Variants in TSHZ2 observed in about 807,000 individuals in gnomAD.
TSHZ2 encodes teashirt homolog 2.
TSHZ2 carries 21 observed loss-of-function variants against 74.4 expected under a neutral mutation model. The observed-to-expected ratio is 0.28, with a 90% confidence interval of 0.20 to 0.41. TSHZ2 has a LOEUF of 0.41. Among genes scored for constraint, TSHZ2 ranks in the 10% least tolerant of loss-of-function variants. The pLI is 1.00. For missense variants in TSHZ2, 1,244 were observed against 1,293.5 expected, an observed-to-expected ratio of 0.96 and a Z score of 0.59; for synonymous variants, 540 against 515.3, an observed-to-expected ratio of 1.05 and a Z score of -0.65.
At chr20:53,440,494 C>A (rs1476791942) in intron 2 of TSHZ2, among the ~76,000 whole-genome samples, 4 of 152,244 alleles carry the variant, frequency 2.6e-5, no homozygotes, top group South Asian at 4.1e-4. Context: ...GATAAATATT[C>A]TTTCATTCAT....
In TSHZ2 at chr20:52,987,747, A is replaced by G. The variant is rs150522584; in HGVS notation, c.40+14414A>G. Among the ~76,000 whole-genome samples, 49 of 152,310 alleles carry G rather than the reference A, an allele frequency of 3.2e-4. 1 individual carries two copies. Among genetic ancestry groups the G allele is most frequent in the African/African-American group, 9.6e-4 (40 of 41,562 alleles). On this transcript the variant is annotated intron_variant, in intron 1 of 2. Transcript: ENST00000371497. ...GAAACAGAGCCCAGAAAAGTCTTCA[A>G]TTAAGAAGGAGAAAGACAAGCAATC...
At chr20:53,434,136 C>T (rs1462526203) in intron 2 of TSHZ2, among the ~76,000 whole-genome samples, 1 of 152,162 alleles carries the variant, frequency 6.6e-6, no homozygotes, top group Non-Finnish European at 1.5e-5. Context: ...TCCCAAAGTG[C>T]TGGGATTACA....
At chr20:53,326,101 C>A (rs1206822403) in intron 2 of TSHZ2, among the ~76,000 whole-genome samples, 1 of 152,192 alleles carries the variant, frequency 6.6e-6, no homozygotes, top group African/African-American at 2.4e-5. Flanking sequence ...TATCTTAAAG[C>A]AAGTGTCTTA....
intron 1 of TSHZ2, among the ~76,000 whole-genome samples, chr20:52,999,784 T>C (rs1982345728): frequency 6.6e-6 from 1 of 152,162 alleles, no homozygotes; most frequent in Admixed American, 6.5e-5. Flanking sequence ...TGTGTGTTTT[T>C]AAAAAATCCT....
intron 1 of TSHZ2, among the ~76,000 whole-genome samples, chr20:53,086,287 T>C (rs1600683052): frequency 6.6e-6 from 1 of 152,292 alleles, no homozygotes; most frequent in East Asian, 1.9e-4. Flanking sequence ...GAGCCAGGTA[T>C]CTTTATGAAC....
chr20:53,137,773 AC>A (rs1987284279), intron 1 of TSHZ2, among the ~76,000 whole-genome samples: 1 of 152,138 alleles, frequency 6.6e-6, no homozygotes, highest in Non-Finnish European at 1.5e-5. Context: ...CACAGCTCTG[AC>A]CTGATCATGT....
chr20:52,986,401 C>T (rs374683236), intron 1 of TSHZ2, among the ~76,000 whole-genome samples: 1 of 120,808 alleles, frequency 8.3e-6, no homozygotes, highest in African/African-American at 3.3e-5. Context: ...AAGAATCCAT[C>T]AAAAAAAAAA....
At chr20:53,090,458 G>A (rs1003492836) in intron 1 of TSHZ2, among the ~76,000 whole-genome samples, 5 of 152,224 alleles carry the variant, frequency 3.3e-5, no homozygotes, top group African/African-American at 1.2e-4. Context: ...TGAAGCCATG[G>A]GGGAATAGGT....
At chr20:53,143,650 C>T (rs2123421883) in intron 1 of TSHZ2, among the ~76,000 whole-genome samples, 1 of 152,130 alleles carries the variant, frequency 6.6e-6, no homozygotes, top group East Asian at 1.9e-4. Flanking sequence ...CAAGATCGTG[C>T]CACTGCACTC....
chr20:53,158,779 C>T (rs933736820), intron 1 of TSHZ2, among the ~76,000 whole-genome samples: 2 of 152,176 alleles, frequency 1.3e-5, no homozygotes, highest in African/African-American at 2.4e-5. Context: ...TCATCACCAC[C>T]GCCTGTTCCA....
chr20:52,987,931 A>C (rs1349128114), intron 1 of TSHZ2, among the ~76,000 whole-genome samples: 1 of 152,148 alleles, frequency 6.6e-6, no homozygotes, highest in Non-Finnish European at 1.5e-5. Flanking sequence ...GAGGGCAGAA[A>C]ACCTGGGTTG....
At chr20:53,090,011 T>C (rs1203267086) in intron 1 of TSHZ2, among the ~76,000 whole-genome samples, 2 of 152,128 alleles carry the variant, frequency 1.3e-5, no homozygotes, top group Non-Finnish European at 2.9e-5. Context: ...ACCTCAAAAG[T>C]AGGGAAGCTG....
chr20:53,130,091 G>A (rs868788479), intron 1 of TSHZ2, among the ~76,000 whole-genome samples: 14 of 151,830 alleles, frequency 9.2e-5, no homozygotes, highest in African/African-American at 2.9e-4. Context: ...AGTTATGTGT[G>A]GTTGATAGTG....
intron 1 of TSHZ2, among the ~76,000 whole-genome samples, chr20:53,148,790 G>A (rs1459693277): frequency 6.6e-6 from 1 of 152,120 alleles, no homozygotes; most frequent in Non-Finnish European, 1.5e-5. Flanking sequence ...GGAATCCCTT[G>A]GGGGTTATTG....
At chr20:53,100,286 A>G (rs1472628084) in intron 1 of TSHZ2, among the ~76,000 whole-genome samples, 1 of 152,152 alleles carries the variant, frequency 6.6e-6, no homozygotes, top group East Asian at 1.9e-4. Flanking sequence ...TAACAAGGGA[A>G]GTTCCTTTGC....
intron 1 of TSHZ2, among the ~76,000 whole-genome samples, chr20:53,190,794 C>T (rs887228371): frequency 6.6e-6 from 1 of 152,162 alleles, no homozygotes; most frequent in Non-Finnish European, 1.5e-5. Flanking sequence ...CCTAGACTTT[C>T]CCCAAGTCTC....
rs934421981 is a variant in TSHZ2 at position 53,241,338 on chromosome 20, T to C, written c.41-12161T>C. The stretch of plus-strand genomic sequence containing the variant: ...GGCCCAGCTCAGACTCGCTGTTCCA[T>C]ATAATTTGGCTCATTTAAAAGCTAA... On this transcript the variant is annotated intron_variant, in intron 1 of 2. Coordinates refer to ENST00000371497, the MANE Select transcript of TSHZ2 (RefSeq NM_173485.6). 5.9e-5 allele frequency among the ~76,000 whole-genome samples: 9 copies of C among 152,312 alleles called. No homozygotes were observed. In the East Asian group the frequency reaches 9.6e-4, roughly 16 times the overall value.
intron 2 of TSHZ2, among the ~76,000 whole-genome samples, chr20:53,289,510 G>A (rs1486999105): frequency 3.9e-5 from 6 of 152,036 alleles, no homozygotes; most frequent in African/African-American, 1.4e-4. Context: ...GGCCATACTT[G>A]CAGGAATAAG....
At chr20:53,312,131 G>A (rs1170540656) in intron 2 of TSHZ2, among the ~76,000 whole-genome samples, 3 of 152,082 alleles carry the variant, frequency 2.0e-5, no homozygotes, top group Non-Finnish European at 4.4e-5. Flanking sequence ...TGATGCAACT[G>A]CACTCACATG....
Sources: gnomAD v4.1 joint callset for allele counts (sites outside exome capture counted in the v4.1 genomes callset) on GRCh38, gnomAD v4.1.1 for gene constraint, MANE v1.5 for transcripts, NCBI Gene and HGNC (gene_info 2026-07-23, HGNC 2026-07-21) for gene names.